The following PCDHA8 variants were observed in gnomAD, a reference collection of about 807,000 sequenced individuals.
PCDHA8 encodes the protein protocadherin alpha 8.
In PCDHA8, 53 loss-of-function variants were observed where a neutral mutation model predicts 61.8. The observed-to-expected ratio is 0.86, with a 90% CI of 0.69 to 1.08. The LOEUF (loss-of-function observed/expected upper bound fraction) is 1.08, where lower values mean the gene tolerates loss of function less well. Ranked by LOEUF, PCDHA8 falls within the 50% of genes least tolerant of loss-of-function variation. The pLI is 0.00. For synonymous variants in PCDHA8, 618 were observed against 556.6 expected, an observed-to-expected ratio of 1.11 and a Z score of -1.55; for missense variants, 1,293 against 1,245.0, an observed-to-expected ratio of 1.04 and a Z score of -0.58.
intron 3 of PCDHA8, among the ~76,000 whole-genome samples, chr5:141,006,870 G>A (rs782345830): frequency 1.1e-4 from 16 of 152,174 alleles, no homozygotes; most frequent in Non-Finnish European, 1.5e-4. Flanking sequence ...GAATAGATTC[G>A]AGGAATCAAG....
At position 140,870,104 on chromosome 5, in the gene PCDHA8, C is replaced by G. The variant is rs782066407; in HGVS notation, c.2394+26389C>G. 3.1e-6 allele frequency: 5 copies of G among 1,613,930 alleles called. No individual in the cohort carries two copies. The Admixed American group carries it at 8.3e-5, about 27-fold the overall frequency. ...ACTCCCCCAATGGCAGGTCACTGTACAGTCTGGGTGGAAATCTTGGACACC... is the reference window on the plus strand; with the variant it reads ...ACTCCCCCAATGGCAGGTCACTGTAGAGTCTGGGTGGAAATCTTGGACACC... On this transcript the variant is annotated intron_variant, in intron 1 of 3. Coordinates refer to ENST00000531613, the MANE Select transcript of PCDHA8 (RefSeq NM_018911.3).
chr5:140,882,449 C>T (rs782741434), intron 1 of PCDHA8: 1 of 1,614,022 alleles, frequency 6.2e-7, no homozygotes, highest in Admixed American at 1.7e-5. Context: ...GGAGCTGGTG[C>T]CGCGCCTGTT....
intron 1 of PCDHA8, chr5:140,875,909 C>A (rs1554168058): frequency 1.2e-6 from 2 of 1,614,048 alleles, no homozygotes; most frequent in African/African-American, 2.7e-5. Flanking sequence ...TCTGAATCTG[C>A]GCCTCTGGAC....
rs2150410181 is a variant in PCDHA8 at position 140,848,414 on chromosome 5, C to A, written c.2394+4699C>A. On this transcript the variant is annotated intron_variant, in intron 1 of 3. Transcript: ENST00000531613. ...CTGTGCTGAACGATGGCGAACACAGCAGAATGGGACTGACGAAATCAGATG... is the reference window on the plus strand; with the variant it reads ...CTGTGCTGAACGATGGCGAACACAGAAGAATGGGACTGACGAAATCAGATG... The A allele has an allele frequency of 1.2e-3, 1,716 of 1,381,822 alleles. 109 individuals carry two copies. The African/African-American group carries it at 0.021, about 17-fold the overall frequency. The allele number at this position is 1,381,822 out of a possible 1,614,324, so 85.6% of individuals were successfully genotyped here. A position where few individuals can be genotyped will look rare whatever the true frequency, so the allele number is the denominator to read the frequency against.
intron 1 of PCDHA8, among the ~76,000 whole-genome samples, chr5:140,937,072 C>G (rs1321046541): frequency 7.0e-6 from 1 of 143,792 alleles, no homozygotes; most frequent in East Asian, 2.0e-4. Flanking sequence ...GAGTCTCGCT[C>G]TGTCGCCCAG....
intron 1 of PCDHA8, chr5:140,927,199 G>A: frequency 4.3e-6 from 7 of 1,614,128 alleles, no homozygotes; most frequent in Non-Finnish European, 5.9e-6. Context: ...GGTGCTCGAG[G>A]ACCCGCTGGA....
chr5:140,877,171 G>A (rs2056910663), intron 1 of PCDHA8: 1 of 1,613,742 alleles, frequency 6.2e-7, no homozygotes, highest in Non-Finnish European at 8.5e-7. Context: ...GGCACTGCTG[G>A]CGACTCCGGC....
chr5:140,892,012 G>A (rs1032416226), intron 1 of PCDHA8, among the ~76,000 whole-genome samples: 9 of 152,176 alleles, frequency 5.9e-5, no homozygotes, highest in Admixed American at 5.9e-4. Context: ...TGTTATAGCA[G>A]CACAAATGGT....
In PCDHA8 at chr5:140,850,283, A is replaced by C. The variant is rs143335350; in HGVS notation, c.2394+6568A>C. The C allele has an allele frequency of 4.9e-5, 78 of 1,595,592 alleles. 6 individuals carry two copies. In the African/African-American group the frequency reaches 9.3e-4, roughly 19 times the overall value. On this transcript the variant is annotated intron_variant, in intron 1 of 3. Coordinates refer to ENST00000531613, the MANE Select transcript of PCDHA8 (RefSeq NM_018911.3). ...GCGTAGTGGTGGGGAAGGTGCGCGC[A>C]GTGGACGCCGACTCGGGCTACAACG...
Position 140,876,296 on chromosome 5 carries a change from G to C in PCDHA8, c.2394+32581G>C, listed in dbSNP as rs1337465467. On this transcript the variant is annotated intron_variant, in intron 1 of 3. Coordinates refer to ENST00000531613, the MANE Select transcript of PCDHA8 (RefSeq NM_018911.3). ...TCCGATCCAGACGAAGGACTTAATGGAGAAATTTCCTATGGGATCAAAATG... is the reference window on the plus strand; with the variant it reads ...TCCGATCCAGACGAAGGACTTAATGCAGAAATTTCCTATGGGATCAAAATG... 19 of 1,613,952 alleles carry C rather than the reference G, an allele frequency of 1.2e-5. No individual in the cohort carries two copies. Among genetic ancestry groups the C allele is most frequent in the Non-Finnish European group, 1.6e-5 (19 of 1,179,904 alleles).
At chr5:140,941,194 TCTTTCTTCCTTTCTTTCTTCC>T (rs1563183817) in intron 1 of PCDHA8, among the ~76,000 whole-genome samples, 5 of 112,350 alleles carry the variant, frequency 4.5e-5, no homozygotes, top group Admixed American at 9.1e-5. Flanking sequence ...TCTTTTTTTT[TCTTTCTTCCTTTCTTTCTTCC>T]TTTCTTTCTT....
chr5:140,942,679 G>C (rs549826522), intron 1 of PCDHA8, among the ~76,000 whole-genome samples: 1 of 152,020 alleles, frequency 6.6e-6, no homozygotes, highest in African/African-American at 2.4e-5. Context: ...AAAGTTTTAG[G>C]AATAACTTTA....
intron 1 of PCDHA8, chr5:140,869,094 T>C (rs2050847018): frequency 6.3e-7 from 1 of 1,592,284 alleles, no homozygotes; most frequent in Non-Finnish European, 8.6e-7. Context: ...GGAAGCCAAT[T>C]TCGTATGCGA....
intron 3 of PCDHA8, among the ~76,000 whole-genome samples, chr5:141,007,672 A>G (rs782403242): frequency 6.6e-6 from 1 of 152,194 alleles, no homozygotes; most frequent in African/African-American, 2.4e-5. Context: ...TACAAAGACA[A>G]AAGTTATCCT....
At chr5:140,882,137 A>G in intron 1 of PCDHA8, 1 of 1,489,212 alleles carries the variant, frequency 6.7e-7, no homozygotes. Flanking sequence ...CCTGCAGAAA[A>G]TATAGCAGAA....
Position 140,901,601 on chromosome 5 carries a change from A to T in PCDHA8, c.2394+57886A>T, listed in dbSNP as rs1448240708. Among the ~76,000 whole-genome samples, 3 of 152,078 alleles carry T rather than the reference A, an allele frequency of 2.0e-5. 1 individual carries two copies. The highest frequency in any genetic ancestry group is 1.3e-4 in the Admixed American group (2 of 15,264). On this transcript the variant is annotated intron_variant, in intron 1 of 3. Transcript: ENST00000531613. Reference sequence around the variant, plus strand: ...AGTGCCATGATGTTTTGGTTACTATATCTCTATGGTATAATTTGAAGTCAG... The same window carrying T: ...AGTGCCATGATGTTTTGGTTACTATTTCTCTATGGTATAATTTGAAGTCAG...
intron 3 of PCDHA8, among the ~76,000 whole-genome samples, chr5:140,987,537 T>C (rs1343074603): frequency 6.6e-6 from 1 of 152,176 alleles, no homozygotes; most frequent in African/African-American, 2.4e-5. Context: ...CCTGGGACCA[T>C]TACTTAACTT....
intron 1 of PCDHA8, chr5:140,871,260 G>A: frequency 1.9e-6 from 3 of 1,613,980 alleles, no homozygotes; most frequent in South Asian, 1.1e-5. Flanking sequence ...TGTATACGGC[G>A]CTGTGGTGGT....
intron 3 of PCDHA8, among the ~76,000 whole-genome samples, chr5:140,985,796 G>GTGC (rs1245486198): frequency 7.1e-6 from 1 of 140,828 alleles, no homozygotes; most frequent in Non-Finnish European, 1.5e-5. Flanking sequence ...CTGGAGTGCA[G>GTGC]TGGCACGATC....
Sources: gnomAD v4.1 joint callset for allele counts (sites outside exome capture counted in the v4.1 genomes callset) on GRCh38, gnomAD v4.1.1 for gene constraint, MANE v1.5 for transcripts, NCBI Gene and HGNC (gene_info 2026-07-23, HGNC 2026-07-21) for gene names.